Variants in ZGRF1 observed in about 807,000 individuals in gnomAD.
ZGRF1 encodes 5'-3' DNA helicase ZGRF1.
A neutral mutation model predicts 203.5 loss-of-function variants in ZGRF1; 196 were observed. The ratio of observed to expected loss-of-function variants is 0.96; its 90% CI spans 0.86 to 1.08. The LOEUF is 1.08. ZGRF1 is among the 50% of genes least tolerant of loss of function. The pLI, the probability that ZGRF1 is intolerant of heterozygous loss-of-function variation, is 0.00. For synonymous variants in ZGRF1, 809 were observed against 841.3 expected (o/e 0.96, Z 0.66); for missense variants, 2,326 against 2,416.3 (o/e 0.96, Z 0.78).
chr4:112,603,420 C>T, intron 10 of ZGRF1, 104 bp downstream of exon 10: 1 of 695,970 alleles, frequency 1.4e-6, no homozygotes, highest in Non-Finnish European at 2.3e-6. Context: ...TACTGTACTC[C>T]TTTTTAACTT....
At chr4:112,585,488 A>G (rs1747005410) in intron 14 of ZGRF1, 53 bp downstream of exon 14, 3 of 1,455,072 alleles carry the variant, frequency 2.1e-6, no homozygotes, top group Middle Eastern at 1.8e-4. Flanking sequence ...AGGTATCTAA[A>G]CCCTTTATAA....
intron 16 of ZGRF1, among the ~76,000 whole-genome samples, chr4:112,573,195 C>CACACACAG (rs1560784063): frequency 1.3e-5 from 2 of 151,700 alleles, no homozygotes; most frequent in African/African-American, 4.8e-5. Context: ...CACACACACA[C>CACACACAG]ACACACCCAT....
intron 20 of ZGRF1, among the ~76,000 whole-genome samples, chr4:112,557,290 G>A (rs2148876204): frequency 6.6e-6 from 1 of 152,018 alleles, no homozygotes; most frequent in South Asian, 2.1e-4. Flanking sequence ...TCCTGCCTCA[G>A]CCTCCTGAGT....
At chr4:112,571,355 CA>C (rs1744184378) in intron 16 of ZGRF1, among the ~76,000 whole-genome samples, 1 of 151,964 alleles carries the variant, frequency 6.6e-6, no homozygotes, top group Non-Finnish European at 1.5e-5. Flanking sequence ...AAAACAATAA[CA>C]AAATAAGACA....
At chr4:112,565,232 A>T in intron 16 of ZGRF1, 2 of 1,595,070 alleles carry the variant, frequency 1.3e-6, no homozygotes, top group Non-Finnish European at 1.7e-6. Context: ...TTTAAAACAG[A>T]TCTGCACTTC....
Position 112,564,705 on chromosome 4 carries a change from G to A in ZGRF1, c.4439-1431C>T, listed in dbSNP as rs1350963061. 4.0e-5 allele frequency among the ~76,000 whole-genome samples: 6 copies of A among 151,752 alleles called. No homozygotes were observed. In the East Asian group the frequency reaches 1.2e-3, roughly 29 times the overall value. Reference sequence around the variant, plus strand: ...TTTAATTTTTTTTCCCCCAAATGCTGGCTTGGAGATTTTTAATTTTTAAAA... The same window carrying A: ...TTTAATTTTTTTTCCCCCAAATGCTAGCTTGGAGATTTTTAATTTTTAAAA... On this transcript the variant is annotated intron_variant, in intron 16 of 27. Coordinates refer to ENST00000505019, the MANE Select transcript of ZGRF1 (RefSeq NM_018392.5).
At chr4:112,577,044 C>A (rs1745371039) in intron 16 of ZGRF1, among the ~76,000 whole-genome samples, 1 of 127,142 alleles carries the variant, frequency 7.9e-6, no homozygotes, top group East Asian at 2.3e-4. Flanking sequence ...TCGAGTTACC[C>A]ACAAAGGGAA....
At chr4:112,544,720 A>G (rs570474525) in intron 24 of ZGRF1, among the ~76,000 whole-genome samples, 4 of 152,224 alleles carry the variant, frequency 2.6e-5, no homozygotes, top group African/African-American at 7.2e-5. Flanking sequence ...ATAGTTGTAT[A>G]GTTTGTATAG....
intron 22 of ZGRF1, among the ~76,000 whole-genome samples, chr4:112,551,268 C>CTA (rs1294493207): frequency 1.3e-5 from 2 of 152,126 alleles, no homozygotes; most frequent in African/African-American, 2.4e-5. Context: ...GTAGGCTATA[C>CTA]CATCTAGGTT....
In ZGRF1 at chr4:112,618,764, A is replaced by G; in HGVS notation, c.1278T>C (p.Gly426=). 1 of 1,611,546 alleles carries G rather than the reference A, an allele frequency of 6.2e-7. No homozygotes were observed. The highest frequency in any genetic ancestry group is 8.5e-7 in the Non-Finnish European group (1 of 1,179,364). The part of the protein sequence containing the change: ...QVTCSSAEND[G]ILSESDIQED... ...CTTGAATGTCAGATTCTGATAATAT[A>G]CCATCATTTTCTGCACTGCTACAAG... The change falls in exon 6 of 28, where the codon GGT becomes GGC. Residue 426 remains glycine, a synonymous_variant. Transcript: ENST00000505019.
rs1359974616 is a variant in ZGRF1 at position 112,541,269 on chromosome 4, C to T, written c.5599-1G>A. 1 of 1,494,808 alleles carries T rather than the reference C, an allele frequency of 6.7e-7. No homozygotes were observed. Among genetic ancestry groups the T allele is most frequent in the Admixed American group, 2.1e-5 (1 of 47,870 alleles). The allele number at this position is 1,494,808 out of a possible 1,614,324, so 92.6% of individuals were successfully genotyped here. Reference sequence around the variant, plus strand: ...TTCTCAATAGAATTGGCTTGTGACCCTAAGAAATTTAAATGAAGAAAAATA... The same window carrying T: ...TTCTCAATAGAATTGGCTTGTGACCTTAAGAAATTTAAATGAAGAAAAATA... On this transcript the variant is annotated splice_acceptor_variant, in intron 24 of 27. Transcript: ENST00000505019. LOFTEE classifies it high-confidence loss of function.
At chr4:112,557,862 T>A in intron 20 of ZGRF1, among the ~76,000 whole-genome samples, 1 of 152,230 alleles carries the variant, frequency 6.6e-6, no homozygotes, top group South Asian at 2.1e-4. Flanking sequence ...GCTGGCAGAC[T>A]GCCTCCCCCA....
At chr4:112,612,100 A>T (rs2046702442) in intron 7 of ZGRF1, among the ~76,000 whole-genome samples, 1 of 151,612 alleles carries the variant, frequency 6.6e-6, no homozygotes, top group African/African-American at 2.4e-5. Context: ...CAAGTAGCTG[A>T]GATTACAGGT....
chr4:112,581,293 G>A, intron 16 of ZGRF1, among the ~76,000 whole-genome samples: 1 of 104,834 alleles, frequency 9.5e-6, no homozygotes, highest in East Asian at 3.4e-4. Flanking sequence ...TGGGGGGAGG[G>A]GGGAGGGATA....
chr4:112,581,775 C>T lies in ZGRF1; in HGVS notation c.4326G>A (p.Gln1442=). 2.1e-6 allele frequency: 3 copies of T among 1,461,076 alleles called. No homozygotes were observed. The highest frequency in any genetic ancestry group is 2.7e-6 in the Non-Finnish European group (3 of 1,092,568). 90.5% of individuals were successfully genotyped at this position (1,461,076 alleles called of 1,614,324 possible). Residue 1442 remains glutamine, a synonymous_variant, in exon 16 of 28, where the codon CAG becomes CAA. Coordinates refer to ENST00000505019, the MANE Select transcript of ZGRF1 (RefSeq NM_018392.5). The part of the protein sequence containing the change: ...VRKGFDFQRK[Q]YGKLKKFTTV... ...TAGTAAACTTCTTTAGTTTGCCATA[C>T]TGTTTTCTCTGAAAATCAAATCCTT...
chr4:112,564,869 T>C, intron 16 of ZGRF1: 2 of 615,012 alleles, frequency 3.3e-6, no homozygotes, highest in Non-Finnish European at 5.9e-6. Flanking sequence ...AAATTCTTTT[T>C]ACTGAATTGT....
At chr4:112,622,246 C>T (rs533934507) in intron 4 of ZGRF1, among the ~76,000 whole-genome samples, 6 of 151,718 alleles carry the variant, frequency 4.0e-5, no homozygotes, top group East Asian at 2.0e-4. Flanking sequence ...AGACTATGTG[C>T]GGTGGCTCAT....
intron 6 of ZGRF1, among the ~76,000 whole-genome samples, chr4:112,614,838 A>G (rs559820962): frequency 4.4e-4 from 67 of 151,742 alleles, no homozygotes; most frequent in African/African-American, 1.6e-3. Flanking sequence ...AAAAAAAAAA[A>G]GTCCCCTAAG....
chr4:112,622,728 A>C (rs1374443023), intron 4 of ZGRF1, among the ~76,000 whole-genome samples: 1 of 151,758 alleles, frequency 6.6e-6, no homozygotes, highest in African/African-American at 2.4e-5. Flanking sequence ...TAATATCCTA[A>C]CTCTTCACTA....
Sources: allele counts gnomAD v4.1 joint callset (sites outside exome capture counted in the v4.1 genomes callset), GRCh38; gene constraint gnomAD v4.1.1; transcripts MANE v1.5; gene names NCBI Gene and HGNC (gene_info 2026-07-23, HGNC 2026-07-21).